PRKAR1A: variants seen among roughly 807,000 people sequenced by gnomAD.
PRKAR1A encodes the protein cAMP-dependent protein kinase type I-alpha regulatory subunit.
A neutral mutation model predicts 52.0 loss-of-function variants in PRKAR1A; 3 were observed. The ratio of observed to expected loss-of-function variants is 0.06; its 90% CI spans 0.03 to 0.15. The LOEUF is 0.15. Among genes scored for constraint, PRKAR1A ranks in the 10% least tolerant of loss-of-function variants. PRKAR1A has a pLI of 1.00. For synonymous variants in PRKAR1A, 188 were observed against 168.4 expected, an observed-to-expected ratio of 1.12 and a Z score of -0.90; for missense variants, 240 against 477.4, an observed-to-expected ratio of 0.50 and a Z score of 4.63.
At chr17:68,510,690 T>C (rs1364066171), upstream of PRKAR1A, among the ~76,000 whole-genome samples, 1 of 152,218 alleles carries the variant, frequency 6.6e-6, no homozygotes, top group Non-Finnish European at 1.5e-5. Flanking sequence ...CTGAGGCTCT[T>C]TTATCCCCAT....
At chr17:68,422,359 G>T in the PRKAR1A span, 3 of 155,076 alleles carry the variant, frequency 1.9e-5, no homozygotes, top group African/African-American at 4.9e-5. Flanking sequence ...AACCGGGGAG[G>T]TGGAGGCTGC....
the PRKAR1A span, among the ~76,000 whole-genome samples, chr17:68,466,409 CTT>C: frequency 1.7e-3 from 202 of 118,356 alleles, 1 homozygote; most frequent in African/African-American, 6.9e-3. Flanking sequence ...TTTTCTCTCT[CTT>C]TTTTTTTTTT....
rs1359517054 is a variant in PRKAR1A at position 68,530,666 on chromosome 17, G to A, written c.*217G>A. ...AAATAAATAGAAAGAGTTCTATGGA[G>A]ACTTTGCTGTTACTGCTTCTCTTTG... On this transcript the variant is annotated 3_prime_UTR_variant, in exon 11 of 11. Transcript: ENST00000589228. The A allele has an allele frequency of 4.8e-6, 7 of 1,445,728 alleles. No homozygotes were observed. Among genetic ancestry groups the A allele is most frequent in the African/African-American group, 1.4e-5 (1 of 70,414 alleles). 89.6% of individuals were successfully genotyped at this position (1,445,728 alleles called of 1,614,324 possible).
At chr17:68,515,035 C>T (rs983264523) in intron 1 of PRKAR1A, 1 of 319,578 alleles carries the variant, frequency 3.1e-6, no homozygotes, top group Non-Finnish European at 6.0e-6. Flanking sequence ...CGTTTACCTA[C>T]TTCCCACGTC....
At chr17:68,495,972 CT>C in the PRKAR1A span, among the ~76,000 whole-genome samples, 1 of 36,110 alleles carries the variant, frequency 2.8e-5, no homozygotes, top group Non-Finnish European at 4.7e-5. Context: ...CTCTCCTCTC[CT>C]CTCTCCTCTC....
At chr17:68,459,981 C>T in the PRKAR1A span, among the ~76,000 whole-genome samples, 1 of 151,938 alleles carries the variant, frequency 6.6e-6, no homozygotes, top group Non-Finnish European at 1.5e-5. Flanking sequence ...CCACCATGCC[C>T]AGCTAATTTT....
downstream of PRKAR1A, chr17:68,536,190 C>A: frequency 2.2e-6 from 1 of 454,096 alleles, no homozygotes; most frequent in South Asian, 1.6e-5. Context: ...AGCTTGGAGA[C>A]ATTTCTGGTT....
At chr17:68,426,234 C>CGGGGGGG in the PRKAR1A span, 1 of 705,804 alleles carries the variant, frequency 1.4e-6, no homozygotes, top group Non-Finnish European at 2.0e-6. Flanking sequence ...ATGCCATGAC[C>CGGGGGGG]TGGCGGGTGG....
At chr17:68,495,970 T>TCC in the PRKAR1A span, among the ~76,000 whole-genome samples, 1 of 31,876 alleles carries the variant, frequency 3.1e-5, no homozygotes, top group Admixed American at 4.0e-4. Flanking sequence ...CTCTCTCCTC[T>TCC]CCTCTCTCCT....
chr17:68,434,340 T>C, the PRKAR1A span, among the ~76,000 whole-genome samples: 1 of 152,178 alleles, frequency 6.6e-6, no homozygotes, highest in African/African-American at 2.4e-5. Flanking sequence ...AAAAAGGGAC[T>C]CTCACGGCTG....
At chr17:68,426,254 G>GGCCCCC in the PRKAR1A span, 3 of 816,908 alleles carry the variant, frequency 3.7e-6, no homozygotes, top group East Asian at 3.5e-5. Context: ...GGGAGCGGGG[G>GGCCCCC]CTCAAATAAA....
At chr17:68,442,998 A>C in the PRKAR1A span, among the ~76,000 whole-genome samples, 9 of 152,228 alleles carry the variant, frequency 5.9e-5, no homozygotes, top group African/African-American at 2.2e-4. Context: ...TACCACCCAC[A>C]GCTTCTTCAC....
Position 68,550,729 on chromosome 17 carries a change from G to A in PRKAR1A, c.974-355G>A, listed in dbSNP as rs75554631. ...GTTCTCAAGGTTGCCTGGGCCTTGG[G>A]ATCACGGGGAGAGCCCCCAGAGCTA... On this transcript the variant is annotated intron_variant, in intron 11 of 11. Coordinates refer to the PRKAR1A transcript ENST00000585981. Among the ~76,000 whole-genome samples the A allele has an allele frequency of 1.0e-2, 1,517 of 152,232 alleles. 13 individuals carry two copies. Among genetic ancestry groups the A allele is most frequent in the Non-Finnish European group, 0.016 (1,066 of 67,980 alleles).
chr17:68,524,466 C>T (rs1056360542), intron 5 of PRKAR1A, among the ~76,000 whole-genome samples: 2 of 152,090 alleles, frequency 1.3e-5, no homozygotes, highest in African/African-American at 4.8e-5. Flanking sequence ...GGTTCTAGGA[C>T]TTCTATAGAT....
chr17:68,420,276 A>C, the PRKAR1A span: 1 of 1,614,140 alleles, frequency 6.2e-7, no homozygotes, highest in Non-Finnish European at 8.5e-7. Context: ...GATACCGCAG[A>C]AGCTGTGCCC....
At position 68,532,223 on chromosome 17, in the gene PRKAR1A, T is replaced by C. The variant is rs1020840037; in HGVS notation, c.*1774T>C. The C allele has an allele frequency of 4.8e-6, 5 of 1,035,954 alleles. No individual in the cohort carries two copies. In the African/African-American group the frequency reaches 8.3e-5, roughly 17 times the overall value. 64.2% of individuals were successfully genotyped at this position (1,035,954 alleles called of 1,614,324 possible). On this transcript the variant is annotated 3_prime_UTR_variant, in exon 11 of 11. Transcript: ENST00000589228. The stretch of plus-strand genomic sequence containing the variant: ...ATATTTAAAAAATTAAAAATGAAAA[T>C]TACGTTCTTACAAGCTTAAAGCTTG...
chr17:68,483,542 T>C, the PRKAR1A span, among the ~76,000 whole-genome samples: 1 of 152,150 alleles, frequency 6.6e-6, no homozygotes, highest in Non-Finnish European at 1.5e-5. Context: ...CCTTTTTCAC[T>C]GCATTGCCTT....
chr17:68,528,855 A>G lies in PRKAR1A; in HGVS notation c.770-15A>G. On this transcript the variant is annotated splice_polypyrimidine_tract_variant and intron_variant, in intron 8 of 10. Transcript: ENST00000589228. ...CAAATAATACAGAGCAGTTATTTTG[A>G]TTCTTGTCTTTCAGAGTCTCTGGAC... The G allele has an allele frequency of 6.2e-7, 1 of 1,613,512 alleles. No homozygotes were observed. Among genetic ancestry groups the G allele is most frequent in the South Asian group, 1.1e-5 (1 of 91,066 alleles).
the PRKAR1A span, among the ~76,000 whole-genome samples, chr17:68,439,737 T>A: frequency 2.6e-5 from 4 of 152,226 alleles, no homozygotes; most frequent in African/African-American, 9.6e-5. Context: ...GTCTGCTATG[T>A]ACTGTGAAAC....
Sources: gnomAD v4.1 joint callset for allele counts (sites outside exome capture counted in the v4.1 genomes callset) on GRCh38, gnomAD v4.1.1 for gene constraint, MANE v1.5 for transcripts, NCBI Gene and HGNC (gene_info 2026-07-23, HGNC 2026-07-21) for gene names.